Variants in SENP5 observed in about 807,000 individuals in gnomAD.
The protein encoded by SENP5 is sentrin-specific protease 5.
In SENP5, 21 loss-of-function variants were observed where a neutral mutation model predicts 74.2. The observed-to-expected ratio is 0.28, with a 90% CI of 0.20 to 0.41. The LOEUF is 0.41. Ranked by LOEUF, SENP5 falls within the 10% of genes least tolerant of loss-of-function variation. SENP5 has a pLI of 1.00. For missense variants in SENP5, 717 were observed against 889.1 expected (o/e 0.81, Z 2.46); for synonymous variants, 311 against 312.7 (o/e 0.99, Z 0.06).
intron 1 of SENP5, among the ~76,000 whole-genome samples, chr3:196,883,750 G>A (rs562488019): frequency 6.6e-6 from 1 of 151,786 alleles, no homozygotes; most frequent in Admixed American, 6.6e-5. Context: ...GTGCAGTGGC[G>A]CAATCTTGGC....
intron 1 of SENP5, among the ~76,000 whole-genome samples, chr3:196,875,058 A>G (rs1351723556): frequency 1.3e-5 from 2 of 152,206 alleles, no homozygotes; most frequent in African/African-American, 2.4e-5. Flanking sequence ...ATCTAGCTGT[A>G]TATATCCACT....
chr3:196,886,459 T>G lies in SENP5; in HGVS notation c.1278T>G (p.Asp426Glu). The G allele has an allele frequency of 6.2e-7, 1 of 1,610,400 alleles. No homozygotes were observed. Among genetic ancestry groups the G allele is most frequent in the South Asian group, 1.1e-5 (1 of 90,460 alleles). Residue 426 changes from aspartate to glutamate, a missense_variant, in exon 2 of 10, where the codon GAT becomes GAG. This residue lies in a region of SENP5 where 567 missense variants were observed against 577.4 expected (regional missense o/e 0.98). Coordinates refer to ENST00000323460, the MANE Select transcript of SENP5 (RefSeq NM_152699.5). ...SGADTSVSSV[D>E]GPVSQKAVQN... ...CAGATACATCTGTGAGTAGCGTAGA[T>G]GGGCCTGTGTCCCAAAAGGCTGTTC...
rs139080746 is a variant in SENP5 at position 196,884,832 on chromosome 3, A to G, written c.-31-319A>G. On this transcript the variant is annotated intron_variant, in intron 1 of 9. Transcript: ENST00000323460. The stretch of plus-strand genomic sequence containing the variant: ...GTGTCAGGTGTGAGGATTACAAGCA[A>G]TCCTTGCACCTTGGCTTCCCAGAGT... 2.4e-3 allele frequency among the ~76,000 whole-genome samples: 371 copies of G among 152,120 alleles called. 3 individuals are homozygous for G. Among genetic ancestry groups the G allele is most frequent in the African/African-American group, 8.3e-3 (344 of 41,498 alleles).
At chr3:196,924,766 C>A (rs1187044783) in intron 7 of SENP5, among the ~76,000 whole-genome samples, 1 of 152,130 alleles carries the variant, frequency 6.6e-6, no homozygotes, top group African/African-American at 2.4e-5. Flanking sequence ...CTTGTATATG[C>A]ACACAAGAAT....
At chr3:196,884,674 G>GTTTTTTTTTTTTTTTT (rs529240359) in intron 1 of SENP5, among the ~76,000 whole-genome samples, 1 of 138,602 alleles carries the variant, frequency 7.2e-6, no homozygotes. Context: ...GTTTTTTTTT[G>GTTTTTTTTTTTTTTTT]TTTTTTTTTT....
rs369814358 is a variant in SENP5 at position 196,885,354 on chromosome 3, A to G, written c.173A>G (p.Gln58Arg). The stretch of plus-strand genomic sequence containing the variant: ...TGGAATAGACAGTTGAGACATTTCC[A>G]GGGTAGAAAGAAAGCTCTTCAAATC... Reference protein sequence around the residue: ...VTWNRQLRHFQGRKKALQIQK... With the variant: ...VTWNRQLRHFRGRKKALQIQK... The change falls in exon 2 of 10, where the codon CAG (glutamine) becomes CGG (arginine). Residue 58 changes from glutamine to arginine, a missense_variant. Gln to Arg is a conservative substitution (Grantham distance 43). This residue lies in a region of SENP5 where 567 missense variants were observed against 577.4 expected (regional missense o/e 0.98). Transcript: ENST00000323460. The G allele has an allele frequency of 8.7e-6, 14 of 1,614,104 alleles. No homozygotes were observed. Among genetic ancestry groups the G allele is most frequent in the African/African-American group, 1.3e-5 (1 of 74,940 alleles).
intron 2 of SENP5, among the ~76,000 whole-genome samples, chr3:196,891,338 G>A (rs574401004): frequency 4.6e-5 from 7 of 152,314 alleles, no homozygotes; most frequent in Admixed American, 3.9e-4. Context: ...TCTTTGTGGG[G>A]TAATGGAGGT....
intron 2 of SENP5, among the ~76,000 whole-genome samples, chr3:196,890,411 A>AGTT (rs759652295): frequency 5.9e-5 from 9 of 152,202 alleles, no homozygotes; most frequent in Non-Finnish European, 1.0e-4. Flanking sequence ...TTTAAGAGTC[A>AGTT]GTTATACTTA....
chr3:196,869,173 A>AG (rs1316801785), intron 1 of SENP5, among the ~76,000 whole-genome samples: 1 of 147,292 alleles, frequency 6.8e-6, no homozygotes, highest in Non-Finnish European at 1.5e-5. Context: ...GGTGCTGGGG[A>AG]GGGGGGCTTC....
intron 6 of SENP5, among the ~76,000 whole-genome samples, chr3:196,904,294 C>T (rs1036781661): frequency 6.6e-6 from 1 of 152,088 alleles, no homozygotes; most frequent in African/African-American, 2.4e-5. Flanking sequence ...TGAAGAGATC[C>T]CATTTCACTG....
chr3:196,894,447 CT>C (rs1464042784), intron 2 of SENP5, among the ~76,000 whole-genome samples: 23 of 151,490 alleles, frequency 1.5e-4, no homozygotes, highest in African/African-American at 5.1e-4. Flanking sequence ...TAATTTAGTG[CT>C]TTGGAAAAAA....
intron 1 of SENP5, among the ~76,000 whole-genome samples, 178 bp downstream of exon 1, chr3:196,868,251 A>G (rs911843370): frequency 6.6e-6 from 1 of 152,076 alleles, no homozygotes; most frequent in African/African-American, 2.4e-5. Context: ...TTTCCGGGGG[A>G]GGCGAGCGAG....
At position 196,899,753 on chromosome 3, in the gene SENP5, A is replaced by G; in HGVS notation, c.1601A>G (p.Asn534Ser). The G allele has an allele frequency of 6.2e-7, 1 of 1,602,688 alleles. No homozygotes were observed. The highest frequency in any genetic ancestry group is 1.1e-5 in the South Asian group (1 of 90,824). Residue 534 changes from asparagine to serine, a missense_variant, in exon 3 of 10, where the codon AAT becomes AGT. Physicochemically the swap from Asn to Ser is conservative, Grantham distance 46 (BLOSUM62 1). This residue lies in a region of SENP5 where 64 missense variants were observed against 100.8 expected (regional missense o/e 0.64). Coordinates refer to ENST00000323460, the MANE Select transcript of SENP5 (RefSeq NM_152699.5). ...EVLGRLKDVF[N>S]EDFSNRKPFI... ...CTTGGAAGATTAAAAGATGTCTTTA[A>G]TGAAGACTTTTCTAATAGGTATATA...
intron 1 of SENP5, among the ~76,000 whole-genome samples, chr3:196,869,249 G>T (rs1713094750): frequency 6.6e-6 from 1 of 151,956 alleles, no homozygotes. Flanking sequence ...CACCCAGCCT[G>T]GAGTGCAGTG....
intron 1 of SENP5, among the ~76,000 whole-genome samples, chr3:196,875,249 ATT>A (rs1303218375): frequency 6.6e-6 from 1 of 152,150 alleles, no homozygotes; most frequent in Non-Finnish European, 1.5e-5. Flanking sequence ...AAGTCCTGTC[ATT>A]TCTGTGTCCT....
chr3:196,890,372 C>T (rs753464079), intron 2 of SENP5, among the ~76,000 whole-genome samples: 2 of 152,204 alleles, frequency 1.3e-5, no homozygotes, highest in Non-Finnish European at 2.9e-5. Flanking sequence ...TATGACTGCA[C>T]ATTATGCTCC....
chr3:196,925,766 A>G (rs990265314), intron 7 of SENP5, among the ~76,000 whole-genome samples: 6 of 152,174 alleles, frequency 3.9e-5, no homozygotes, highest in Admixed American at 6.5e-5. Flanking sequence ...CATCTTCTGA[A>G]TTTTTGCCCA....
At chr3:196,896,746 C>T (rs1460162362) in intron 2 of SENP5, among the ~76,000 whole-genome samples, 1 of 152,138 alleles carries the variant, frequency 6.6e-6, no homozygotes, top group Non-Finnish European at 1.5e-5. Context: ...CGCACCTGGC[C>T]CAGTGTCTCT....
chr3:196,919,963 A>AC (rs1368872305), intron 6 of SENP5, among the ~76,000 whole-genome samples: 6 of 152,186 alleles, frequency 3.9e-5, no homozygotes, highest in Admixed American at 3.9e-4. Flanking sequence ...TTAACACTAC[A>AC]CAGTATTACT....
Sources: allele counts gnomAD v4.1 joint callset (sites outside exome capture counted in the v4.1 genomes callset), GRCh38; gene constraint gnomAD v4.1.1; regional missense constraint gnomAD v4.1.1; transcripts MANE v1.5; gene names NCBI Gene and HGNC (gene_info 2026-07-23, HGNC 2026-07-21).